POLR1A: variants seen among roughly 807,000 people sequenced by gnomAD.
POLR1A encodes the protein DNA-directed RNA polymerase I subunit RPA1.
POLR1A carries 84 observed loss-of-function variants against 205.3 expected under a neutral mutation model. That is an observed-to-expected ratio of 0.41 (90% CI 0.34 to 0.49). The LOEUF (loss-of-function observed/expected upper bound fraction) is 0.49, where lower values mean the gene tolerates loss of function less well. POLR1A is among the 20% of genes least tolerant of loss of function. POLR1A has a pLI of 0.22. For missense variants in POLR1A, 1,645 were observed against 2,204.5 expected (o/e 0.75, Z 5.08); for synonymous variants, 799 against 863.7 (o/e 0.93, Z 1.31).
chr2:86,084,306 A>C (rs1451061980), intron 6 of POLR1A, among the ~76,000 whole-genome samples: 3 of 151,998 alleles, frequency 2.0e-5, no homozygotes, highest in African/African-American at 7.2e-5. Context: ...AATCCCAGCT[A>C]CTAGGGAGGC....
intron 1 of POLR1A, among the ~76,000 whole-genome samples, chr2:86,101,803 A>C (rs1673827016): frequency 6.6e-6 from 1 of 152,028 alleles, no homozygotes; most frequent in South Asian, 2.1e-4. Flanking sequence ...GTAATTCTTC[A>C]TCTCCTCTGC....
At chr2:86,053,465 G>C (rs1037704211) in intron 15 of POLR1A, among the ~76,000 whole-genome samples, 3 of 152,094 alleles carry the variant, frequency 2.0e-5, no homozygotes, top group Admixed American at 6.5e-5. Context: ...TTGAACCCTG[G>C]GAGTAACAAC....
At chr2:86,064,648 A>G (rs1405276333) in intron 14 of POLR1A, among the ~76,000 whole-genome samples, 3 of 152,224 alleles carry the variant, frequency 2.0e-5, no homozygotes, top group African/African-American at 7.2e-5. Context: ...GAACTTCCCA[A>G]CAAATATTAC....
chr2:86,031,389 C>T lies in POLR1A; in HGVS notation c.4519G>A (p.Glu1507Lys). 1 of 1,607,464 alleles carries T rather than the reference C, an allele frequency of 6.2e-7. No homozygotes were observed. The highest frequency in any genetic ancestry group is 8.5e-7 in the Non-Finnish European group (1 of 1,175,752). ...AMERRVQAVR[E>K]IHPFIDDYQY... The stretch of plus-strand genomic sequence containing the variant: ...TAGTCATCTATGAACGGGTGGATCT[C>T]ACGCACAGCCTGGACCCGGCGCTCC... Residue 1507 changes from glutamate (E) to lysine (K), a missense_variant, in exon 30 of 34, where the codon GAG becomes AAG. By Grantham distance (56) the Glu-to-Lys change is moderately conservative. Transcript: ENST00000263857.
intron 15 of POLR1A, 106 bp downstream of exon 15, chr2:86,054,034 C>T: frequency 1.8e-6 from 2 of 1,127,338 alleles, no homozygotes; most frequent in Non-Finnish European, 2.6e-6. Flanking sequence ...TTCTGAGGCA[C>T]AGTACCTGCT....
At position 86,027,359 on chromosome 2, in the gene POLR1A, G is replaced by T; in HGVS notation, c.*64C>A. ...AGTCTCCTGGTCCTCTCATGCAGAA[G>T]GCAGGCTGGGCCACGCCCTCACCAA... is the stretch of plus-strand genomic sequence containing the variant. On this transcript the variant is annotated 3_prime_UTR_variant, in exon 34 of 34. Coordinates refer to ENST00000263857, the MANE Select transcript of POLR1A (RefSeq NM_015425.6). 1 of 1,302,416 alleles carries T rather than the reference G, an allele frequency of 7.7e-7. No individual in the cohort carries two copies. The highest frequency in any genetic ancestry group is 1.1e-6 in the Non-Finnish European group (1 of 895,684). 80.7% of individuals were successfully genotyped at this position (1,302,416 alleles called of 1,614,324 possible).
intron 16 of POLR1A, among the ~76,000 whole-genome samples, chr2:86,050,289 G>A (rs932358760): frequency 5.9e-5 from 9 of 152,234 alleles, no homozygotes; most frequent in Admixed American, 3.3e-4. Context: ...GAGTGGGAAA[G>A]AAAACAGCAG....
rs1672644542 is a variant in POLR1A at position 86,042,997 on chromosome 2, C to T, written c.3334G>A (p.Gly1112Ser). 2 of 1,614,054 alleles carry T rather than the reference C, an allele frequency of 1.2e-6. No individual in the cohort carries two copies. The highest frequency in any genetic ancestry group is 1.7e-6 in the Non-Finnish European group (2 of 1,179,918). ...ALKLESENRN[G>S]RSPGTQEMLR... ...ACCTCCTGAGTCCCAGGGCTGCGGC[C>T]ATTGCGGTTTTCACTCTCAAGTTTC... Residue 1112 changes from glycine (G) to serine (S), a missense_variant, in exon 23 of 34, where the codon GGC becomes AGC. Physicochemically the swap from Gly to Ser is moderately conservative, Grantham distance 56 (BLOSUM62 0). Transcript: ENST00000263857.
intron 6 of POLR1A, 128 bp downstream of exon 6, chr2:86,088,438 C>T: frequency 1.5e-6 from 1 of 648,436 alleles, no homozygotes. Flanking sequence ...GGCCTGCACA[C>T]TGTGCCTCTG....
At chr2:86,101,776 C>G (rs976008811) in intron 1 of POLR1A, among the ~76,000 whole-genome samples, 7 of 152,204 alleles carry the variant, frequency 4.6e-5, no homozygotes, top group Middle Eastern at 3.4e-3. Context: ...AAATTGAAAC[C>G]CTGTACCCAT....
At position 86,081,667 on chromosome 2, in the gene POLR1A, T is replaced by C. The variant is rs1472458142; in HGVS notation, c.857A>G (p.Asp286Gly). The stretch of plus-strand genomic sequence containing the variant: ...GGGATTGAATCTGGATTCCATACCA[T>C]CATCATCCATTCCCGAAAAAAGGTA... Reference protein sequence around the residue: ...LNYLFSGMDDDGMESRFNPSV... With the variant: ...LNYLFSGMDDGGMESRFNPSV... The change falls in exon 8 of 34, where the codon GAT becomes GGT. Residue 286 changes from aspartate to glycine, a missense_variant. Asp to Gly is a moderately conservative substitution (Grantham distance 94). This residue lies in a region of POLR1A where 330 missense variants were observed against 375.6 expected (regional missense o/e 0.88). Transcript: ENST00000263857. 5.6e-6 allele frequency: 9 copies of C among 1,611,844 alleles called. No individual in the cohort carries two copies. Among genetic ancestry groups the C allele is most frequent in the Admixed American group, 3.4e-5 (2 of 59,598 alleles).
chr2:86,055,900 C>A (rs1672886216), intron 14 of POLR1A, among the ~76,000 whole-genome samples: 1 of 152,204 alleles, frequency 6.6e-6, no homozygotes, highest in Non-Finnish European at 1.5e-5. Context: ...CTTGCCATTT[C>A]TATTCAACAA....
At chr2:86,029,742 A>G (rs948349257) in intron 31 of POLR1A, among the ~76,000 whole-genome samples, 14 of 150,678 alleles carry the variant, frequency 9.3e-5, no homozygotes, top group East Asian at 1.9e-4. Context: ...GACTACAGGC[A>G]CCCGTCACCA....
chr2:86,080,687 A>G (rs1189192399), intron 9 of POLR1A, 129 bp downstream of exon 9: 1 of 863,732 alleles, frequency 1.2e-6, no homozygotes, highest in Non-Finnish European at 1.7e-6. Flanking sequence ...CAGAGCTCAC[A>G]CTAAGGCTGC....
chr2:86,030,410 G>T lies in POLR1A; in HGVS notation c.4579-14C>A. The T allele has an allele frequency of 5.0e-6, 8 of 1,599,110 alleles. No homozygotes were observed. The highest frequency in any genetic ancestry group is 6.9e-6 in the Non-Finnish European group (8 of 1,166,862). On this transcript the variant is annotated splice_polypyrimidine_tract_variant and intron_variant, in intron 30 of 33. Transcript: ENST00000263857. ...CTTCACTGTCACCTGCAAAAGGAGG[G>T]AGAGCTGGGTAGGGTGACAGCTACT... is the stretch of plus-strand genomic sequence containing the variant.
At chr2:86,056,312 C>G (rs1239158362) in intron 14 of POLR1A, among the ~76,000 whole-genome samples, 1 of 136,310 alleles carries the variant, frequency 7.3e-6, no homozygotes, top group Non-Finnish European at 1.6e-5. Flanking sequence ...ATTAGCTGGG[C>G]ATGGTGGCGG....
At chr2:86,071,001 C>T (rs1040623591) in intron 12 of POLR1A, among the ~76,000 whole-genome samples, 43 of 151,750 alleles carry the variant, frequency 2.8e-4, no homozygotes, top group African/African-American at 9.0e-4. Context: ...GCATTTACAG[C>T]GGCAAAAACT....
rs1245304647 is a variant in POLR1A at position 86,047,262 on chromosome 2, G to A, written c.2636C>T (p.Ala879Val). 1 of 1,607,658 alleles carries A rather than the reference G, an allele frequency of 6.2e-7. No homozygotes were observed. The highest frequency in any genetic ancestry group is 2.2e-5 in the East Asian group (1 of 44,816). Reference protein sequence around the residue: ...VNHYSNEINKACMPFGLHRQF... With the variant: ...VNHYSNEINKVCMPFGLHRQF... The stretch of plus-strand genomic sequence containing the variant: ...TCTGTGTAGGCCAAAAGGCATGCAT[G>A]CCTGCAGATTAAATCAGCACAGTGG... The change falls in exon 19 of 34, where the codon GCA becomes GTA. Residue 879 changes from alanine (A) to valine (V), a missense_variant and splice_region_variant. By Grantham distance (64) the Ala-to-Val change is moderately conservative. Around this residue, in one of 16 missense-constraint regions of POLR1A, gnomAD observed 339 missense variants for 415.1 expected, o/e 0.82. Coordinates refer to ENST00000263857, the MANE Select transcript of POLR1A (RefSeq NM_015425.6).
intron 24 of POLR1A, among the ~76,000 whole-genome samples, chr2:86,041,632 C>T (rs997752246): frequency 6.6e-6 from 1 of 151,938 alleles, no homozygotes; most frequent in Non-Finnish European, 1.5e-5. Flanking sequence ...AGCAGACTTT[C>T]CTGCAAGCCT....
Sources: gnomAD v4.1 joint callset for allele counts (sites outside exome capture counted in the v4.1 genomes callset) on GRCh38, gnomAD v4.1.1 for gene constraint, gnomAD v4.1.1 regional missense constraint, MANE v1.5 for transcripts, NCBI Gene and HGNC (gene_info 2026-07-23, HGNC 2026-07-21) for gene names.